TRRAP: variants seen among roughly 807,000 people sequenced by gnomAD.
TRRAP encodes transformation/transcription domain associated protein.
Under a neutral mutation model 438.8 loss-of-function variants are expected in TRRAP, and 41 were observed. The ratio of observed to expected loss-of-function variants is 0.09; its 90% CI spans 0.07 to 0.12. TRRAP has a LOEUF of 0.12. TRRAP is among the 10% of genes least tolerant of loss of function. The probability of loss-of-function intolerance (pLI) is 1.00; values close to 1 mark genes in which losing one functional copy is unlikely to be tolerated. For missense variants in TRRAP, 3,122 were observed against 5,055.1 expected, an observed-to-expected ratio of 0.62 and a Z score of 11.60; for synonymous variants, 1,994 against 1,962.9, an observed-to-expected ratio of 1.02 and a Z score of -0.42.
chr7:98,927,311 C>T lies in TRRAP; in HGVS notation c.3120C>T (p.Pro1040=), dbSNP rs782026521. The part of the protein sequence containing the change: ...VIKDLRPSAL[P]FVASLIRHYT... ...AGGACCTGCGGCCCAGCGCCCTGCCCTTTGTCGCCAGCTTGATCCGCCACT... is the reference window on the plus strand; with the variant it reads ...AGGACCTGCGGCCCAGCGCCCTGCCTTTTGTCGCCAGCTTGATCCGCCACT... Residue 1040 remains proline (P), a synonymous_variant, in exon 23 of 73, where the codon CCC becomes CCT. Coordinates refer to ENST00000456197, the MANE Select transcript of TRRAP (RefSeq NM_001375524.1). The T allele has an allele frequency of 6.2e-7, 1 of 1,614,122 alleles. No homozygotes were observed. Among genetic ancestry groups the T allele is most frequent in the South Asian group, 1.1e-5 (1 of 91,070 alleles).
rs1584260624 is a variant in TRRAP, at chr7:98,882,070, T to G, written c.150+46T>G. 2.6e-6 allele frequency: 4 copies of G among 1,520,814 alleles called. No homozygotes were observed. The South Asian group carries it at 4.7e-5, about 18-fold the overall frequency. The allele number at this position is 1,520,814 out of a possible 1,614,324, so 94.2% of individuals were successfully genotyped here. ...ATTTTTCATTTTGAGGTAAATATTC[T>G]TATTCACTTTCCTGTCCTGCTTTGT... On this transcript the variant is annotated intron_variant, in intron 3 of 72. Coordinates refer to ENST00000456197, the MANE Select transcript of TRRAP (RefSeq NM_001375524.1).
At chr7:98,940,183 C>CTGTT (rs1215109739) in intron 30 of TRRAP, among the ~76,000 whole-genome samples, 2 of 151,528 alleles carry the variant, frequency 1.3e-5, no homozygotes, top group South Asian at 2.1e-4. Flanking sequence ...TGTGCCTGGC[C>CTGTT]TGTTTGTTTG....
In TRRAP at chr7:98,949,536, C is replaced by T. The variant is rs782561742; in HGVS notation, c.4908C>T (p.Pro1636=). 3 of 1,592,690 alleles carry T rather than the reference C, an allele frequency of 1.9e-6. No individual in the cohort carries two copies. The highest frequency in any genetic ancestry group is 2.6e-6 in the Non-Finnish European group (3 of 1,170,014). The change falls in exon 36 of 73, where the codon CCC becomes CCT. Residue 1636 remains proline (P), a synonymous_variant. Coordinates refer to ENST00000456197, the MANE Select transcript of TRRAP (RefSeq NM_001375524.1). ...AGACGGCTGTGCGCCCCGGTTCGCC[C>T]AGCACCAGCACCATGCGCCTGGACC... ...GAQTAVRPGS[P]STSTMRLDLQ...
Position 99,012,349 on chromosome 7 carries a change from G to GCTGTGA in TRRAP, c.11622_*5dup, listed in dbSNP as rs1794467889. 6.3e-7 allele frequency: 1 copy of GCTGTGA among 1,596,136 alleles called. No homozygotes were observed. The highest frequency in any genetic ancestry group is 8.5e-7 in the Non-Finnish European group (1 of 1,170,398). On this transcript the variant is annotated stop_gained and inframe_insertion, in exon 73 of 73. Coordinates refer to ENST00000456197, the MANE Select transcript of TRRAP (RefSeq NM_001375524.1). LOFTEE classifies it high-confidence loss of function. This position sits in a 1 kb window ranked among gnomAD's most constrained non-coding sequence, Gnocchi z 5.9. Reference sequence around the variant, plus strand: ...GCATGGACCCCGCCTGGCACCCCTGGCTGTGACTGTGGCCGCCACGGCCAC... The same window carrying GCTGTGA: ...GCATGGACCCCGCCTGGCACCCCTGGCTGTGACTGTGACTGTGGCCGCCACGGCCAC...
chr7:98,929,316 G>C (rs984160311), intron 23 of TRRAP, among the ~76,000 whole-genome samples: 32 of 152,128 alleles, frequency 2.1e-4, no homozygotes, highest in Admixed American at 1.3e-4. Flanking sequence ...TTGAACTCCT[G>C]GCCTCAAGTG....
At chr7:98,988,678 G>C in intron 62 of TRRAP, 87 bp from the exon 63 acceptor site, 1 of 1,480,282 alleles carries the variant, frequency 6.8e-7, no homozygotes, top group South Asian at 1.2e-5. Context: ...GCCCCGCAGT[G>C]TTCATTTTAT....
rs1554402993 is a variant in TRRAP at position 98,881,199 on chromosome 7, T to C, written c.49T>C (p.Leu17=). Residue 17 remains leucine (L), a synonymous_variant, in exon 2 of 73, where the codon TTG becomes CTG. Transcript: ENST00000456197. Reference sequence around the variant, plus strand: ...GGCCACGGTGGTTGACCAGACCACTTTGATGAAAAAGTACCTTCAGTTTGT... The same window carrying C: ...GGCCACGGTGGTTGACCAGACCACTCTGATGAAAAAGTACCTTCAGTTTGT... ...QGATVVDQTT[L]MKKYLQFVAA... 8.7e-6 allele frequency: 14 copies of C among 1,610,510 alleles called. No homozygotes were observed. The highest frequency in any genetic ancestry group is 1.2e-5 in the Non-Finnish European group (14 of 1,178,204).
intron 23 of TRRAP, 106 bp from the exon 24 acceptor site, chr7:98,929,883 C>T (rs541468619): frequency 6.5e-5 from 81 of 1,238,734 alleles, no homozygotes; most frequent in Middle Eastern, 5.7e-4. Context: ...TGTGAGCCGC[C>T]GTGCCCTGCT....
rs568242084 is a variant in TRRAP at position 98,913,473 on chromosome 7, G to A, written c.2199+1260G>A. On this transcript the variant is annotated intron_variant, in intron 18 of 72. Coordinates refer to ENST00000456197, the MANE Select transcript of TRRAP (RefSeq NM_001375524.1). ...TTGGCTAATTTTTGTATTTTTAGTGGAGATGGGGTTTCACCATGTTGGCCA... is the reference window on the plus strand; with the variant it reads ...TTGGCTAATTTTTGTATTTTTAGTGAAGATGGGGTTTCACCATGTTGGCCA... Among the ~76,000 whole-genome samples, 93 of 152,132 alleles carry A rather than the reference G, an allele frequency of 6.1e-4. 1 individual carries two copies. Among genetic ancestry groups the A allele is most frequent in the Admixed American group, 3.6e-3 (55 of 15,280 alleles).
In TRRAP at chr7:99,011,391, G is replaced by A. The variant is rs765343329; in HGVS notation, c.11193G>A (p.Ala3731=). 3.1e-5 allele frequency: 50 copies of A among 1,614,082 alleles called. No homozygotes were observed. The highest frequency in any genetic ancestry group is 3.3e-4 in the Middle Eastern group (2 of 6,084). Residue 3731 remains alanine, a synonymous_variant, in exon 72 of 73, where the codon GCG becomes GCA. Transcript: ENST00000456197. This position sits in a 1 kb window ranked among gnomAD's most constrained non-coding sequence, Gnocchi z 7.1. The part of the protein sequence containing the change: ...VAYFRFDIND[A]TGDLDANRPV... ...ACTTTCGATTTGACATAAACGACGC[G>A]ACTGGAGACCTGGATGCCAACCGTC...
intron 4 of TRRAP, among the ~76,000 whole-genome samples, chr7:98,891,601 T>A (rs1446061390): frequency 6.8e-6 from 1 of 147,182 alleles, no homozygotes; most frequent in Non-Finnish European, 1.5e-5. Flanking sequence ...AGTGGCGCAG[T>A]CTCGGCTCAC....
chr7:98,978,433 T>C, intron 57 of TRRAP, 110 bp downstream of exon 57: 1 of 982,900 alleles, frequency 1.0e-6, no homozygotes, highest in East Asian at 2.5e-5. Context: ...TTTGCTACTT[T>C]ATGGCCACAT....
At chr7:98,917,727 G>A (rs1375434595) in intron 20 of TRRAP, 48 bp downstream of exon 20, 1 of 1,592,346 alleles carries the variant, frequency 6.3e-7, no homozygotes, top group African/African-American at 1.3e-5. Flanking sequence ...TGGAAGCAGT[G>A]GGCCGTCATT....
chr7:98,983,010 C>A (rs1418058654), intron 59 of TRRAP, among the ~76,000 whole-genome samples: 1 of 152,144 alleles, frequency 6.6e-6, no homozygotes, highest in Non-Finnish European at 1.5e-5. Flanking sequence ...CCATCGTTCT[C>A]CCAGTCTCCT....
At chr7:98,963,431 T>C (rs1792007916) in intron 47 of TRRAP, among the ~76,000 whole-genome samples, 2 of 152,128 alleles carry the variant, frequency 1.3e-5, no homozygotes, top group African/African-American at 4.8e-5. Flanking sequence ...TCTGGAGGAC[T>C]CTTGTTGAGA....
rs1015242053 is a variant in TRRAP, at chr7:98,958,235, A to G, written c.6342+144A>G. 9 of 655,732 alleles carry G rather than the reference A, an allele frequency of 1.4e-5. No individual in the cohort carries two copies. The African/African-American group carries it at 1.7e-4, about 12-fold the overall frequency. 40.6% of individuals were successfully genotyped at this position (655,732 alleles called of 1,614,324 possible). ...CAGCTGGTTCTGTCATTTTCGTATCAACTGCACTTGATTTTGTGGCAGGTT... is the reference window on the plus strand; with the variant it reads ...CAGCTGGTTCTGTCATTTTCGTATCGACTGCACTTGATTTTGTGGCAGGTT... On this transcript the variant is annotated intron_variant, in intron 44 of 72. Coordinates refer to ENST00000456197, the MANE Select transcript of TRRAP (RefSeq NM_001375524.1).
At chr7:98,955,687 T>G (rs1389010607) in intron 41 of TRRAP, among the ~76,000 whole-genome samples, 1 of 152,194 alleles carries the variant, frequency 6.6e-6, no homozygotes, top group African/African-American at 2.4e-5. Flanking sequence ...ATTACCCTTT[T>G]TGTGGGATTT....
intron 21 of TRRAP, among the ~76,000 whole-genome samples, chr7:98,924,079 T>A (rs1789926008): frequency 6.6e-6 from 1 of 152,226 alleles, no homozygotes; most frequent in African/African-American, 2.4e-5. Flanking sequence ...CACAGGAAAG[T>A]CTGCTTTGCA....
intron 39 of TRRAP, among the ~76,000 whole-genome samples, chr7:98,951,367 ACT>A (rs1791330652): frequency 6.6e-6 from 1 of 151,828 alleles, no homozygotes; most frequent in African/African-American, 2.4e-5. Context: ...TTTACAAAAG[ACT>A]CTCCTAACAG....
Sources: allele counts gnomAD v4.1 joint callset (sites outside exome capture counted in the v4.1 genomes callset), GRCh38; gene constraint gnomAD v4.1.1; non-coding constraint Gnocchi (gnomAD v3.1); transcripts MANE v1.5; gene names NCBI Gene and HGNC (gene_info 2026-07-23, HGNC 2026-07-21).